The following EML4 variants were observed in gnomAD, a reference collection of about 807,000 sequenced individuals.
EML4 encodes EMAP like 4.
EML4 carries 72 observed loss-of-function variants against 129.0 expected under a neutral mutation model. The ratio of observed to expected loss-of-function variants is 0.56; its 90% confidence interval spans 0.46 to 0.68. The LOEUF is 0.68. Ranked by LOEUF, EML4 falls within the 30% of genes least tolerant of loss-of-function variation. The pLI, the probability that EML4 is intolerant of heterozygous loss-of-function variation, is 0.00. For missense variants in EML4, 1,363 were observed against 1,190.6 expected (o/e 1.14, Z -2.13); for synonymous variants, 532 against 405.0 (o/e 1.31, Z -3.77).
intron 1 of EML4, among the ~76,000 whole-genome samples, chr2:42,221,595 G>T (rs911409517): frequency 6.7e-6 from 1 of 149,852 alleles, no homozygotes; most frequent in Non-Finnish European, 1.5e-5. Flanking sequence ...GTGTTTTTTT[G>T]GGTTTTGTTT....
intron 13 of EML4, 90 bp from the exon 14 acceptor site, chr2:42,301,151 C>T: frequency 2.7e-6 from 3 of 1,115,416 alleles, no homozygotes; most frequent in Non-Finnish European, 3.9e-6. Context: ...TGATTATTAA[C>T]TCTAGTTCTA....
At chr2:42,314,256 G>A (rs950240776) in intron 17 of EML4, among the ~76,000 whole-genome samples, 3 of 151,962 alleles carry the variant, frequency 2.0e-5, no homozygotes, top group African/African-American at 7.3e-5. Context: ...CTACTCGAGA[G>A]ACTGAGGCAT....
chr2:42,289,235 A>G (rs1018439576), intron 11 of EML4: 29 of 152,202 alleles, frequency 1.9e-4, no homozygotes, highest in African/African-American at 7.0e-4. Flanking sequence ...AACATAGGGA[A>G]GTTGCATGAA....
intron 16 of EML4, among the ~76,000 whole-genome samples, chr2:42,304,201 G>A (rs1242791652): frequency 2.0e-5 from 3 of 151,942 alleles, no homozygotes; most frequent in Admixed American, 1.3e-4. Flanking sequence ...GTTCTTTGTG[G>A]ATGCTAAAGA....
At chr2:42,323,624 C>T (rs1383114707) in intron 19 of EML4, among the ~76,000 whole-genome samples, 1 of 152,104 alleles carries the variant, frequency 6.6e-6, no homozygotes, top group Non-Finnish European at 1.5e-5. Context: ...CTAAGGTACA[C>T]TGAATTTGTT....
rs1553388818 is a variant in EML4 at position 42,296,477 on chromosome 2, T to TCTCTC, written c.1489+961_1489+962insCTCTC. 3.0e-4 allele frequency among the ~76,000 whole-genome samples: 44 copies of TCTCTC among 149,014 alleles called. No individual in the cohort carries two copies. In the East Asian group the frequency reaches 3.2e-3, roughly 11 times the overall value. On this transcript the variant is annotated intron_variant, in intron 13 of 22. Transcript: ENST00000318522. Reference sequence around the variant, plus strand: ...AACACACTGGAACAACACCTTATACTTCTCTCTCTCTCTCTCTCTCTGGAG... The same window carrying TCTCTC: ...AACACACTGGAACAACACCTTATACTCTCTCTCTCTCTCTCTCTCTCTCTCTGGAG...
At chr2:42,279,217 C>A (rs1476338680) in intron 6 of EML4, among the ~76,000 whole-genome samples, 5 of 152,134 alleles carry the variant, frequency 3.3e-5, no homozygotes, top group Admixed American at 3.3e-4. Flanking sequence ...TAGGTTGTTT[C>A]CACATCTTGG....
intron 17 of EML4, among the ~76,000 whole-genome samples, chr2:42,314,078 G>T (rs1424087357): frequency 6.6e-6 from 1 of 152,052 alleles, no homozygotes; most frequent in Non-Finnish European, 1.5e-5. Flanking sequence ...ATAAAAACTT[G>T]CCGGGCATGG....
chr2:42,232,763 G>A (rs983418394), intron 1 of EML4, among the ~76,000 whole-genome samples: 5 of 152,040 alleles, frequency 3.3e-5, no homozygotes, highest in African/African-American at 4.8e-5. Context: ...TGGCTGTGTC[G>A]CCCAGGCTGG....
At chr2:42,322,527 G>A (rs564766822) in intron 19 of EML4, among the ~76,000 whole-genome samples, 1 of 152,206 alleles carries the variant, frequency 6.6e-6, no homozygotes, top group Non-Finnish European at 1.5e-5. Context: ...TCATCATGCA[G>A]TTGACAAAGA....
chr2:42,265,478 A>G (rs906448278), intron 6 of EML4, among the ~76,000 whole-genome samples: 1 of 152,046 alleles, frequency 6.6e-6, no homozygotes, highest in African/African-American at 2.4e-5. Flanking sequence ...GACCTCAAGC[A>G]GTCCTCCCGC....
chr2:42,213,794 T>G (rs955089320), intron 1 of EML4, among the ~76,000 whole-genome samples: 4 of 152,250 alleles, frequency 2.6e-5, no homozygotes, highest in Non-Finnish European at 5.9e-5. Flanking sequence ...ATAGTTTACA[T>G]TTATATTTTA....
At position 42,286,333 on chromosome 2, in the gene EML4, T is replaced by C; in HGVS notation, c.1076T>C (p.Leu359Pro). 6.2e-7 allele frequency: 1 copy of C among 1,614,060 alleles called. No homozygotes were observed. Among genetic ancestry groups the C allele is most frequent in the South Asian group, 1.1e-5 (1 of 91,082 alleles). The change falls in exon 10 of 23, where the codon CTT becomes CCT. Residue 359 changes from leucine (L) to proline (P), a missense_variant. Physicochemically the swap from Leu to Pro is moderately conservative, Grantham distance 98. Transcript: ENST00000318522. ...CTATCCACACTGCAGATTATTGGAC[T>C]TGGCACTTTTGAGCGTGGAGTAGGA... ...VTLSTLQIIG[L>P]GTFERGVGCL... is the part of the protein sequence containing the mutation.
At chr2:42,259,162 G>T (rs1410369355) in intron 3 of EML4, among the ~76,000 whole-genome samples, 8 of 151,706 alleles carry the variant, frequency 5.3e-5, no homozygotes, top group Non-Finnish European at 1.2e-4. Flanking sequence ...TGGGAGAATT[G>T]CTTGAACCTT....
At chr2:42,267,591 CAG>C (rs1440284892) in intron 6 of EML4, among the ~76,000 whole-genome samples, 3 of 152,138 alleles carry the variant, frequency 2.0e-5, no homozygotes, top group African/African-American at 4.8e-5. Flanking sequence ...GTCCTTCAGA[CAG>C]AGCAGAGTAG....
intron 11 of EML4, chr2:42,289,206 C>T (rs1008522156): frequency 6.6e-6 from 1 of 152,248 alleles, no homozygotes; most frequent in Admixed American, 6.5e-5. Context: ...TCCAGTTATT[C>T]AGAGTAATTT....
intron 1 of EML4, among the ~76,000 whole-genome samples, chr2:42,236,999 A>G (rs1356871224): frequency 6.6e-6 from 1 of 152,162 alleles, no homozygotes; most frequent in African/African-American, 2.4e-5. Flanking sequence ...ACCTTTGACT[A>G]ACTATAGAAT....
chr2:42,290,565 C>CAA (rs542271059), intron 11 of EML4, among the ~76,000 whole-genome samples: 15 of 115,620 alleles, frequency 1.3e-4, no homozygotes, highest in Admixed American at 2.6e-4. Flanking sequence ...TTGTCTCTAC[C>CAA]AAAAAAAAAA....
chr2:42,288,461 G>T (rs761903625), intron 11 of EML4, 139 bp downstream of exon 11: 2 of 466,250 alleles, frequency 4.3e-6, no homozygotes, highest in Non-Finnish European at 7.7e-6. Context: ...CAAATTTAGT[G>T]ATTTGTCATA....
Sources: allele counts gnomAD v4.1 joint callset (sites outside exome capture counted in the v4.1 genomes callset), GRCh38; gene constraint gnomAD v4.1.1; transcripts MANE v1.5; gene names NCBI Gene and HGNC (gene_info 2026-07-23, HGNC 2026-07-21).